Variants in PCNX2 observed in about 807,000 individuals in gnomAD.
The protein encoded by PCNX2 is pecanex-like protein 2.
In PCNX2, 168 loss-of-function variants were observed where a neutral mutation model predicts 223.8. That is an observed-to-expected ratio of 0.75 (90% confidence interval 0.66 to 0.85). PCNX2 has a LOEUF of 0.85. PCNX2 is among the 40% of genes least tolerant of loss of function. The probability of loss-of-function intolerance (pLI) is 0.00; values close to 1 mark genes in which losing one functional copy is unlikely to be tolerated. For synonymous variants in PCNX2, 1,006 were observed against 1,052.6 expected, an observed-to-expected ratio of 0.96 and a Z score of 0.86; for missense variants, 2,507 against 2,675.5, an observed-to-expected ratio of 0.94 and a Z score of 1.39.
chr1:233,283,554 C>T (rs1370601201), intron 1 of PCNX2, among the ~76,000 whole-genome samples: 4 of 151,810 alleles, frequency 2.6e-5, no homozygotes, highest in African/African-American at 9.7e-5. Flanking sequence ...GATATATCCA[C>T]GAAAAGGTCT....
chr1:233,245,031 G>A (rs1233495661), intron 8 of PCNX2, among the ~76,000 whole-genome samples: 1 of 152,198 alleles, frequency 6.6e-6, no homozygotes, highest in Admixed American at 6.5e-5. Context: ...GCTGCATAAA[G>A]AACAAACCAC....
rs1025740435 is a variant in PCNX2 at position 233,095,987 on chromosome 1, T to C, written c.3838-124A>G. 9 of 651,468 alleles carry C rather than the reference T, an allele frequency of 1.4e-5. No individual in the cohort carries two copies. In the African/African-American group the frequency reaches 1.6e-4, roughly 12 times the overall value. The allele number at this position is 651,468 out of a possible 1,614,324, so 40.4% of individuals were successfully genotyped here. The stretch of plus-strand genomic sequence containing the variant: ...GCAGTGAAACTACTCTCTGCCCTCT[T>C]ACTGTGATCTTCCTGCATCTCATGT... On this transcript the variant is annotated intron_variant, in intron 21 of 33. Transcript: ENST00000258229.
chr1:233,315,828 C>A, the PCNX2 span, among the ~76,000 whole-genome samples: 3 of 151,988 alleles, frequency 2.0e-5, no homozygotes, highest in Admixed American at 2.0e-4. Flanking sequence ...AAAAAAAAAT[C>A]TTTGTCCTCT....
In PCNX2 at chr1:233,269,443, C is replaced by T. The variant is rs562082932; in HGVS notation, c.154-6280G>A. Among the ~76,000 whole-genome samples, 172 of 152,204 alleles carry T rather than the reference C, an allele frequency of 1.1e-3. 1 individual carries two copies. Among genetic ancestry groups the T allele is most frequent in the African/African-American group, 3.7e-3 (155 of 41,524 alleles). ...AGAAGTAAAACTAGAAAAAAGAAAA[C>T]GCACCCATAAAAAAGCAAAGGCACT... On this transcript the variant is annotated intron_variant, in intron 1 of 33. Coordinates refer to ENST00000258229, the MANE Select transcript of PCNX2 (RefSeq NM_014801.4).
intron 1 of PCNX2, among the ~76,000 whole-genome samples, chr1:233,274,872 C>T (rs530693522): frequency 6.6e-6 from 1 of 152,140 alleles, no homozygotes; most frequent in Non-Finnish European, 1.5e-5. Flanking sequence ...AGAAGGCTAG[C>T]GAAACATAGA....
intron 1 of PCNX2, among the ~76,000 whole-genome samples, chr1:233,278,405 T>G (rs1225048972): frequency 6.6e-6 from 1 of 152,138 alleles, no homozygotes. Context: ...TCTTGAGATG[T>G]AAAATGCTGG....
intron 25 of PCNX2, among the ~76,000 whole-genome samples, chr1:233,050,062 G>A (rs1012046037): frequency 4.6e-5 from 7 of 152,138 alleles, no homozygotes; most frequent in African/African-American, 1.7e-4. Context: ...CACAGGGAGG[G>A]GAACATCACA....
chr1:233,066,125 C>T (rs956899895), intron 23 of PCNX2, among the ~76,000 whole-genome samples: 16 of 152,210 alleles, frequency 1.1e-4, no homozygotes, highest in Admixed American at 9.2e-4. Context: ...CTGCTGAGAG[C>T]TGTTCCGTCA....
rs149283162 is a variant in PCNX2, at chr1:233,186,469, C to T, written c.3067-7294G>A. On this transcript the variant is annotated intron_variant, in intron 15 of 33. Transcript: ENST00000258229. ...CACGGCCTGCGGAGTGTCATGTGGCCGGCACGTGTGGGTGTGCAATGGATA... is the reference window on the plus strand; with the variant it reads ...CACGGCCTGCGGAGTGTCATGTGGCTGGCACGTGTGGGTGTGCAATGGATA... Among the ~76,000 whole-genome samples the T allele has an allele frequency of 3.4e-3, 512 of 152,186 alleles. 3 individuals carry two copies. Among genetic ancestry groups the T allele is most frequent in the Non-Finnish European group, 5.6e-3 (382 of 68,010 alleles).
intron 28 of PCNX2, among the ~76,000 whole-genome samples, chr1:233,013,038 C>T (rs551726904): frequency 1.9e-4 from 29 of 152,246 alleles, no homozygotes; most frequent in African/African-American, 5.5e-4. Context: ...GTTAGACCTG[C>T]GGCAATCATC....
intron 21 of PCNX2, among the ~76,000 whole-genome samples, chr1:233,121,537 G>T (rs1439581425): frequency 1.3e-5 from 2 of 152,120 alleles, no homozygotes; most frequent in Non-Finnish European, 2.9e-5. Context: ...ATACAAATAT[G>T]GTCAACTAGT....
At chr1:233,095,104 C>T (rs895120052) in intron 22 of PCNX2, among the ~76,000 whole-genome samples, 3 of 152,168 alleles carry the variant, frequency 2.0e-5, no homozygotes, top group African/African-American at 7.2e-5. Flanking sequence ...CTTCCCCTTA[C>T]CCACGCGTGC....
chr1:233,047,932 T>G (rs1671874769), intron 25 of PCNX2, among the ~76,000 whole-genome samples: 1 of 152,080 alleles, frequency 6.6e-6, no homozygotes, highest in Non-Finnish European at 1.5e-5. Context: ...AAATGGAACA[T>G]ACTGCAAGAT....
At chr1:233,010,319 C>T (rs549878565) in intron 28 of PCNX2, among the ~76,000 whole-genome samples, 1 of 152,344 alleles carries the variant, frequency 6.6e-6, no homozygotes, top group Admixed American at 6.5e-5. Context: ...TGCAACAAGG[C>T]AGCATGCCAC....
At chr1:233,289,107 T>G in intron 1 of PCNX2, 1 of 942,330 alleles carries the variant, frequency 1.1e-6, no homozygotes, top group Non-Finnish European at 1.8e-6. Context: ...GGGATGCTTT[T>G]GCTTATATTT....
intron 25 of PCNX2, among the ~76,000 whole-genome samples, chr1:233,030,265 A>C (rs1035309069): frequency 6.6e-6 from 1 of 151,914 alleles, no homozygotes; most frequent in East Asian, 1.9e-4. Flanking sequence ...CTAGAATTTT[A>C]AGTTTTTGGT....
At chr1:233,180,549 C>T (rs555823354) in intron 15 of PCNX2, among the ~76,000 whole-genome samples, 6 of 152,170 alleles carry the variant, frequency 3.9e-5, no homozygotes, top group Non-Finnish European at 5.9e-5. Context: ...AATTGTGGTG[C>T]TTATAATGAA....
intron 15 of PCNX2, among the ~76,000 whole-genome samples, chr1:233,197,190 ATTAT>A (rs1024116691): frequency 5.9e-5 from 9 of 152,306 alleles, no homozygotes; most frequent in African/African-American, 1.7e-4. Context: ...TGATTGTAGG[ATTAT>A]TTATTTATTT....
At chr1:233,226,015 C>A (rs1239985057) in intron 10 of PCNX2, among the ~76,000 whole-genome samples, 1 of 152,144 alleles carries the variant, frequency 6.6e-6, no homozygotes, top group African/African-American at 2.4e-5. Flanking sequence ...ACTATAAAAA[C>A]CAGTCACTGG....
Sources: gnomAD v4.1 joint callset for allele counts (sites outside exome capture counted in the v4.1 genomes callset) on GRCh38, gnomAD v4.1.1 for gene constraint, MANE v1.5 for transcripts, NCBI Gene and HGNC (gene_info 2026-07-23, HGNC 2026-07-21) for gene names.